PARP2: variants seen among roughly 807,000 people sequenced by gnomAD.
PARP2 encodes poly [ADP-ribose] polymerase 2.
PARP2 carries 57 observed loss-of-function variants against 77.8 expected under a neutral mutation model. That is an observed-to-expected ratio of 0.73 (90% CI 0.59 to 0.91). The LOEUF is 0.91. PARP2 is among the 40% of genes least tolerant of loss of function. The probability of loss-of-function intolerance (pLI) is 0.00; values close to 1 mark genes in which losing one functional copy is unlikely to be tolerated. For missense variants in PARP2, 651 were observed against 689.0 expected (o/e 0.94, Z 0.62); for synonymous variants, 226 against 242.6 (o/e 0.93, Z 0.64).
chr14:20,345,489 C>T (rs1883684454), intron 3 of PARP2, 25 bp downstream of exon 3: 1 of 1,556,604 alleles, frequency 6.4e-7, no homozygotes, highest in Admixed American at 1.7e-5. Context: ...AACCGATCTT[C>T]AGTCCATGGA....
intron 6 of PARP2, 144 bp downstream of exon 6, chr14:20,351,266 C>G: frequency 1.9e-6 from 1 of 520,956 alleles, no homozygotes; most frequent in Non-Finnish European, 3.4e-6. Flanking sequence ...GCAACCTCCA[C>G]CTCCTGGGTT....
chr14:20,353,733 TA>T (rs1884042446), intron 7 of PARP2, among the ~76,000 whole-genome samples: 1 of 152,228 alleles, frequency 6.6e-6, no homozygotes, highest in African/African-American at 2.4e-5. Flanking sequence ...GGAGAAGTTT[TA>T]GTCTTTTTTA....
intron 8 of PARP2, 83 bp from the exon 9 acceptor site, chr14:20,354,724 GAA>G (rs1884079426): frequency 1.5e-6 from 2 of 1,334,926 alleles, no homozygotes; most frequent in Non-Finnish European, 2.1e-6. Flanking sequence ...GTTGAAAGAT[GAA>G]AGTCTTTTTT....
chr14:20,356,993 C>A, intron 13 of PARP2, 58 bp from the exon 14 acceptor site: 1 of 1,066,110 alleles, frequency 9.4e-7, no homozygotes, highest in Non-Finnish European at 1.5e-6. Context: ...GTGGTATGCA[C>A]CTTCTCTCTA....
At chr14:20,347,350 G>GTATATA (rs1883767956) in intron 4 of PARP2, among the ~76,000 whole-genome samples, 1 of 48,986 alleles carries the variant, frequency 2.0e-5, no homozygotes, top group African/African-American at 1.4e-4. Context: ...CTTCATATGT[G>GTATATA]TGTGTGTATA....
At chr14:20,352,548 G>GTTTTTTTTT in intron 7 of PARP2, 1 of 237,490 alleles carries the variant, frequency 4.2e-6, no homozygotes, top group Non-Finnish European at 6.9e-6. Flanking sequence ...CTGCCCAGCT[G>GTTTTTTTTT]ATTTTTTTTC....
chr14:20,355,943 T>A lies in PARP2; in HGVS notation c.1013T>A (p.Leu338Gln). The change falls in exon 11 of 16, where the codon CTA becomes CAA. Residue 338 changes from leucine to glutamine, a missense_variant. Physicochemically the swap from Leu to Gln is moderately radical, Grantham distance 113 (BLOSUM62 -2). Transcript: ENST00000429687. ...GCTATTAAGCTGGTGAAAACAGAGCTACAAAGCCCAGAACACCCATTGGAC... is the reference window on the plus strand; with the variant it reads ...GCTATTAAGCTGGTGAAAACAGAGCAACAAAGCCCAGAACACCCATTGGAC... ...EIAIKLVKTELQSPEHPLDQH... is the reference protein window; with the variant it reads ...EIAIKLVKTEQQSPEHPLDQH... The A allele has an allele frequency of 6.2e-7, 1 of 1,614,150 alleles. No individual in the cohort carries two copies.
chr14:20,348,765 A>G (rs1460917676), intron 4 of PARP2, among the ~76,000 whole-genome samples: 3 of 152,340 alleles, frequency 2.0e-5, no homozygotes, highest in Middle Eastern at 3.4e-3. Flanking sequence ...CACGCCTGTA[A>G]TCCCAGCACT....
intron 4 of PARP2, 112 bp from the exon 5 acceptor site, chr14:20,350,414 A>G (rs758050356): frequency 3.0e-5 from 18 of 593,230 alleles, no homozygotes; most frequent in African/African-American, 5.6e-5. Flanking sequence ...GCCTGATGCT[A>G]TCCTTTTCCT....
intron 9 of PARP2, 86 bp downstream of exon 9, chr14:20,355,033 CT>C: frequency 8.2e-7 from 1 of 1,222,406 alleles, no homozygotes; most frequent in African/African-American, 1.5e-5. Flanking sequence ...TCTTTTAAAT[CT>C]TTTATTCCTA....
intron 4 of PARP2, among the ~76,000 whole-genome samples, chr14:20,349,355 CA>C (rs1408722995): frequency 8.0e-5 from 12 of 150,208 alleles, no homozygotes; most frequent in African/African-American, 2.2e-4. Flanking sequence ...AAAACATTTA[CA>C]AAAAAATTTT....
chr14:20,346,798 C>A, intron 3 of PARP2, 65 bp from the exon 4 acceptor site: 1 of 1,033,394 alleles, frequency 9.7e-7, no homozygotes, highest in Non-Finnish European at 1.5e-6. Flanking sequence ...AAATTTAGAG[C>A]CTCATTTAGG....
chr14:20,345,863 G>C (rs1464104751), intron 3 of PARP2, among the ~76,000 whole-genome samples: 1 of 151,928 alleles, frequency 6.6e-6, no homozygotes, highest in Non-Finnish European at 1.5e-5. Context: ...GAGAGAGACA[G>C]AGAGAAAGGG....
intron 4 of PARP2, among the ~76,000 whole-genome samples, chr14:20,348,599 A>G (rs1883850779): frequency 6.6e-6 from 1 of 152,196 alleles, no homozygotes; most frequent in Non-Finnish European, 1.5e-5. Flanking sequence ...CATTTGCCTC[A>G]TTAATATATT....
intron 15 of PARP2, 46 bp downstream of exon 15, chr14:20,357,566 A>G (rs1274260802): frequency 1.2e-6 from 2 of 1,602,058 alleles, no homozygotes; most frequent in African/African-American, 1.3e-5. Flanking sequence ...TTTTGGCCAG[A>G]TAAGACTACG....
intron 4 of PARP2, among the ~76,000 whole-genome samples, chr14:20,349,940 T>C (rs1371183430): frequency 6.6e-6 from 1 of 152,304 alleles, no homozygotes; most frequent in African/African-American, 2.4e-5. Flanking sequence ...ACTGGCCATA[T>C]TCTCTCTCAG....
rs376242359 is a variant in PARP2 at position 20,354,203 on chromosome 14, A to C, written c.719A>C (p.Glu240Ala). Residue 240 changes from glutamate (E) to alanine (A), a missense_variant, in exon 8 of 16, where the codon GAA becomes GCA. Physicochemically the swap from Glu to Ala is moderately radical, Grantham distance 107. Coordinates refer to ENST00000429687, the MANE Select transcript of PARP2 (RefSeq NM_001042618.2). Reference protein sequence around the residue: ...KLICNVQAMEEMMMEMKYNTK... With the variant: ...KLICNVQAMEAMMMEMKYNTK... ...ATCTGTAATGTTCAGGCCATGGAAG[A>C]AATGATGATGGAAATGAAGTATAAT... is the stretch of plus-strand genomic sequence containing the variant. 1.2e-6 allele frequency: 2 copies of C among 1,613,828 alleles called. No homozygotes were observed. Among genetic ancestry groups the C allele is most frequent in the African/African-American group, 1.3e-5 (1 of 74,926 alleles).
In PARP2 at chr14:20,350,823, G is replaced by A. The variant is rs116086055; in HGVS notation, c.421+201G>A. The A allele has an allele frequency of 1.2e-3, 748 of 605,324 alleles. 3 individuals are homozygous for A. Among genetic ancestry groups the A allele is most frequent in the African/African-American group, 0.011 (586 of 54,076 alleles). 37.5% of individuals were successfully genotyped at this position (605,324 alleles called of 1,614,324 possible). A position where few individuals can be genotyped will look rare whatever the true frequency, so the allele number is the denominator to read the frequency against. ...AGAGTTCCCACTGGAAAAACTAAGAGCAGCCCATTGAGTCTGAAAACTCTT... is the reference window on the plus strand; with the variant it reads ...AGAGTTCCCACTGGAAAAACTAAGAACAGCCCATTGAGTCTGAAAACTCTT... On this transcript the variant is annotated intron_variant, in intron 5 of 15. Coordinates refer to ENST00000429687, the MANE Select transcript of PARP2 (RefSeq NM_001042618.2).
At chr14:20,343,721 G>C in intron 1 of PARP2, 34 bp downstream of exon 1, 1 of 1,603,352 alleles carries the variant, frequency 6.2e-7, no homozygotes, top group Non-Finnish European at 8.5e-7. Context: ...CGGCATGCGG[G>C]GGGCGGGCAG....
Sources: allele counts gnomAD v4.1 joint callset (sites outside exome capture counted in the v4.1 genomes callset), GRCh38; gene constraint gnomAD v4.1.1; transcripts MANE v1.5; gene names NCBI Gene and HGNC (gene_info 2026-07-23, HGNC 2026-07-21).